MEGF11: variants seen among roughly 807,000 people sequenced by gnomAD.
MEGF11 encodes the protein multiple EGF like domains 11.
MEGF11 carries 126 observed loss-of-function variants against 146.6 expected under a neutral mutation model. That is an observed-to-expected ratio of 0.86 (90% CI 0.74 to 1.00). MEGF11 has a LOEUF of 1.00. Ranked by LOEUF, MEGF11 falls within the 50% of genes least tolerant of loss-of-function variation. The pLI is 0.00. For synonymous variants in MEGF11, 532 were observed against 583.4 expected (o/e 0.91, Z 1.27); for missense variants, 1,509 against 1,521.2 (o/e 0.99, Z 0.13).
At chr15:65,900,382 A>C (rs28408059) in intron 24 of MEGF11, among the ~76,000 whole-genome samples, 1 of 152,258 alleles carries the variant, frequency 6.6e-6, no homozygotes, top group Non-Finnish European at 1.5e-5. Flanking sequence ...CCCTGAAAGC[A>C]GAACACTCCG....
chr15:66,134,489 T>C (rs1396597619), intron 1 of MEGF11, among the ~76,000 whole-genome samples: 2 of 141,944 alleles, frequency 1.4e-5, no homozygotes, highest in African/African-American at 2.5e-5. Context: ...TGCCCACTCC[T>C]GGCCTTCTCA....
At chr15:66,247,759 G>A (rs111463682) in intron 1 of MEGF11, among the ~76,000 whole-genome samples, 6,614 of 152,070 alleles carry the variant, frequency 0.043, 212 homozygotes, top group Non-Finnish European at 0.062. Flanking sequence ...TGGTTCAGCC[G>A]GGCGCAGTGG....
chr15:66,240,007 T>C (rs17197392), intron 1 of MEGF11, among the ~76,000 whole-genome samples: 29,217 of 152,186 alleles, frequency 0.19, 3,069 homozygotes, highest in Middle Eastern at 0.3. Context: ...AGCTTTCTTT[T>C]CTCCCGAAGT....
chr15:65,959,487 T>A (rs1340462838), intron 9 of MEGF11, among the ~76,000 whole-genome samples: 2 of 152,218 alleles, frequency 1.3e-5, no homozygotes, highest in Non-Finnish European at 2.9e-5. Context: ...GTGAAGATGC[T>A]TTAAAATGCT....
chr15:66,078,752 G>A (rs2085704128), intron 5 of MEGF11, among the ~76,000 whole-genome samples: 4 of 152,218 alleles, frequency 2.6e-5, no homozygotes, highest in African/African-American at 9.6e-5. Context: ...GTGCGACAAC[G>A]CCAGCTGGGC....
At chr15:65,966,640 G>A (rs1488997349) in intron 8 of MEGF11, among the ~76,000 whole-genome samples, 1 of 152,166 alleles carries the variant, frequency 6.6e-6, no homozygotes, top group Non-Finnish European at 1.5e-5. Context: ...CCTCAAGGTA[G>A]GGTCTGAGTC....
chr15:66,002,913 T>A (rs2082407216), intron 5 of MEGF11, among the ~76,000 whole-genome samples: 1 of 152,086 alleles, frequency 6.6e-6, no homozygotes, highest in Non-Finnish European at 1.5e-5. Context: ...AAATGATTTT[T>A]TCAAGGTCAC....
At chr15:66,057,228 C>G (rs2084710913) in intron 5 of MEGF11, among the ~76,000 whole-genome samples, 1 of 152,088 alleles carries the variant, frequency 6.6e-6, no homozygotes, top group Non-Finnish European at 1.5e-5. Context: ...TTCGGTGAAG[C>G]AAAACGAGGG....
At chr15:66,140,580 G>A (rs574716921) in intron 1 of MEGF11, among the ~76,000 whole-genome samples, 1 of 152,174 alleles carries the variant, frequency 6.6e-6, no homozygotes, top group Admixed American at 6.5e-5. Context: ...ATTCTGTGGC[G>A]TGCCCACAAA....
chr15:66,118,568 CCACTTCCT>C (rs1349504098), intron 4 of MEGF11, among the ~76,000 whole-genome samples: 1 of 152,214 alleles, frequency 6.6e-6, no homozygotes, highest in Non-Finnish European at 1.5e-5. Flanking sequence ...GCTCCCGGAA[CCACTTCCT>C]CATGGTCCAT....
chr15:65,982,134 T>A lies in MEGF11; in HGVS notation c.641+108A>T. The stretch of plus-strand genomic sequence containing the variant: ...GTGCAGCTGCGGTGAGGGCAGCCAC[T>A]CCAGGCCCCGCCCCAGCCCCTCCAC... On this transcript the variant is annotated intron_variant, in intron 6 of 25. Coordinates refer to ENST00000395614, the MANE Select transcript of MEGF11 (RefSeq NM_001385028.1). The surrounding 1 kb of genome is among the most constrained non-coding windows in gnomAD (Gnocchi z 5.6). The A allele has an allele frequency of 9.0e-5, 110 of 1,224,664 alleles. No homozygotes were observed. In the Middle Eastern group the frequency reaches 1.0e-3, roughly 11 times the overall value. The allele number at this position is 1,224,664 out of a possible 1,614,324, so 75.9% of individuals were successfully genotyped here. A position where few individuals can be genotyped will look rare whatever the true frequency, so the allele number is the denominator to read the frequency against.
intron 5 of MEGF11, among the ~76,000 whole-genome samples, chr15:66,086,328 G>A (rs371791075): frequency 6.6e-6 from 1 of 152,104 alleles, no homozygotes; most frequent in Non-Finnish European, 1.5e-5. Flanking sequence ...GAAATTCATC[G>A]CAAAAAGATC....
chr15:66,118,312 C>G (rs529371217), intron 4 of MEGF11, among the ~76,000 whole-genome samples: 1 of 152,112 alleles, frequency 6.6e-6, no homozygotes, highest in African/African-American at 2.4e-5. Flanking sequence ...AGTGTCTTGC[C>G]GAAAGCCCCA....
intron 5 of MEGF11, among the ~76,000 whole-genome samples, chr15:66,015,575 T>C (rs748630483): frequency 1.3e-4 from 20 of 152,116 alleles, no homozygotes; most frequent in Admixed American, 1.0e-3. Context: ...AGGTGTAGTT[T>C]CCTCATCATG....
At chr15:66,053,713 CAAT>C (rs770255053) in intron 5 of MEGF11, among the ~76,000 whole-genome samples, 3 of 72,592 alleles carry the variant, frequency 4.1e-5, no homozygotes, top group African/African-American at 1.5e-4. Context: ...CCCCTGGCAC[CAAT>C]TTTTTTTTTT....
chr15:66,144,176 AACTCTCAATGCTGTG>A (rs1431067559), intron 1 of MEGF11, among the ~76,000 whole-genome samples: 1 of 152,044 alleles, frequency 6.6e-6, no homozygotes, highest in African/African-American at 2.4e-5. Context: ...AACATTTTTC[AACTCTCAATGCTGTG>A]ACCTCATTCC....
At chr15:66,067,167 AC>A (rs1174273962) in intron 5 of MEGF11, among the ~76,000 whole-genome samples, 5 of 152,226 alleles carry the variant, frequency 3.3e-5, no homozygotes, top group Non-Finnish European at 7.3e-5. Context: ...GCTATTACTT[AC>A]ACAATGAACT....
At chr15:65,940,463 T>G (rs2079949071) in intron 10 of MEGF11, among the ~76,000 whole-genome samples, 2 of 152,220 alleles carry the variant, frequency 1.3e-5, no homozygotes, top group Non-Finnish European at 2.9e-5. Flanking sequence ...ATTTGTAATT[T>G]CCTAGGGAGA....
At chr15:66,101,037 A>C (rs2086785833) in intron 4 of MEGF11, among the ~76,000 whole-genome samples, 1 of 93,448 alleles carries the variant, frequency 1.1e-5, no homozygotes, top group Non-Finnish European at 2.4e-5. Context: ...GCGGGTGAGC[A>C]GGCGGGTGAG....
Sources: allele counts gnomAD v4.1 joint callset (sites outside exome capture counted in the v4.1 genomes callset), GRCh38; gene constraint gnomAD v4.1.1; non-coding constraint Gnocchi (gnomAD v3.1); transcripts MANE v1.5; gene names NCBI Gene and HGNC (gene_info 2026-07-23, HGNC 2026-07-21).